LYRM7: variants seen among roughly 807,000 people sequenced by gnomAD.
The protein encoded by LYRM7 is LYR motif containing 7, also known as complex III assembly factor LYRM7.
LYRM7 carries 9 observed loss-of-function variants against 15.8 expected under a neutral mutation model. The ratio of observed to expected loss-of-function variants is 0.57; its 90% CI spans 0.34 to 0.99. The LOEUF (loss-of-function observed/expected upper bound fraction) is 0.99, where lower values mean the gene tolerates loss of function less well. Among genes scored for constraint, LYRM7 ranks in the 50% least tolerant of loss-of-function variants. The pLI, the probability that LYRM7 is intolerant of heterozygous loss-of-function variation, is 0.02. For synonymous variants in LYRM7, 39 were observed against 39.4 expected, an observed-to-expected ratio of 0.99 and a Z score of 0.04; for missense variants, 115 against 119.1, an observed-to-expected ratio of 0.97 and a Z score of 0.16.
rs191878333 is a variant in LYRM7 at position 131,185,518 on chromosome 5, G to A, written c.163-1510G>A. The stretch of plus-strand genomic sequence containing the variant: ...CCCATGCATGATTTTGTAACATCAC[G>A]CAGTGATGATTTAGAAAATGCAGGT... On this transcript the variant is annotated intron_variant, in intron 3 of 4. Transcript: ENST00000379380. Among the ~76,000 whole-genome samples the A allele has an allele frequency of 2.4e-3, 370 of 152,258 alleles. 1 individual carries two copies. The highest frequency in any genetic ancestry group is 9.0e-3 in the Admixed American group (137 of 15,288).
At position 131,171,028 on chromosome 5, in the gene LYRM7, G is replaced by C; in HGVS notation, c.8G>C (p.Arg3Pro). The change falls in exon 1 of 5, where the codon CGG (arginine) becomes CCG (proline). Residue 3 changes from arginine to proline, a missense_variant. By Grantham distance (103) the Arg-to-Pro change is moderately radical. Coordinates refer to ENST00000379380, the MANE Select transcript of LYRM7 (RefSeq NM_181705.4). ...GCCGCGGTGAGGAGAGCCATGGGAC[G>C]GGCAGTCAAGGTGACAGGGCCCGGG... MG[R>P]AVKVLQLFKT... is the part of the protein sequence containing the mutation. The C allele has an allele frequency of 1.3e-6, 2 of 1,536,532 alleles. No individual in the cohort carries two copies. The highest frequency in any genetic ancestry group is 1.7e-6 in the Non-Finnish European group (2 of 1,150,746).
chr5:131,181,669 C>T (rs947688313), intron 2 of LYRM7, among the ~76,000 whole-genome samples: 16 of 151,314 alleles, frequency 1.1e-4, no homozygotes, highest in Non-Finnish European at 2.1e-4. Context: ...ACAATAAGAC[C>T]AGTGAGATTC....
In LYRM7 at chr5:131,201,319, A is replaced by T. The variant is rs1756060495; in HGVS notation, c.*1718A>T. On this transcript the variant is annotated 3_prime_UTR_variant, in exon 5 of 5. Transcript: ENST00000379380. ...ACAGAGTGAGACTCTGTCTCAAAAA[A>T]AAAAAAGAAAAAAAAAGGAAAAAGG... 1 of 151,850 alleles carries T rather than the reference A, an allele frequency of 6.6e-6. No individual in the cohort carries two copies. The highest frequency in any genetic ancestry group is 1.9e-4 in the East Asian group (1 of 5,156). The allele number at this position is 151,850 out of a possible 1,614,324, so 9.4% of individuals were successfully genotyped here.
intron 2 of LYRM7, among the ~76,000 whole-genome samples, chr5:131,180,573 A>G (rs1258955517): frequency 7.2e-5 from 11 of 152,186 alleles, no homozygotes; most frequent in Admixed American, 7.2e-4. Context: ...TTCTAAATTC[A>G]GTATCTCCCT....
Position 131,195,619 on chromosome 5 carries a change from C to G in LYRM7, c.245-3912C>G, listed in dbSNP as rs554550084. ...TATTCTTCATTGCTTTAAGAAGTGG[C>G]CCCTAAGGTAAGGGTTAAGGAGATG... On this transcript the variant is annotated intron_variant, in intron 4 of 4. Coordinates refer to ENST00000379380, the MANE Select transcript of LYRM7 (RefSeq NM_181705.4). 2.4e-4 allele frequency among the ~76,000 whole-genome samples: 36 copies of G among 152,240 alleles called. No individual in the cohort carries two copies. The South Asian group carries it at 7.1e-3, about 30-fold the overall frequency.
chr5:131,176,202 A>G (rs1755600150), intron 1 of LYRM7, among the ~76,000 whole-genome samples: 1 of 152,232 alleles, frequency 6.6e-6, no homozygotes, highest in Non-Finnish European at 1.5e-5. Context: ...ATTAGCATAC[A>G]TGTTTTTGTG....
rs561843858 is a variant in LYRM7, at chr5:131,197,482, A to G, written c.245-2049A>G. On this transcript the variant is annotated intron_variant, in intron 4 of 4. Transcript: ENST00000379380. ...TCTTAGTCAGACCAGTTCTTTCTTA[A>G]TTAAGTGAAATATTCAGTTTGCCTT... Among the ~76,000 whole-genome samples the G allele has an allele frequency of 6.0e-5, 9 of 149,248 alleles. No homozygotes were observed. In the South Asian group the frequency reaches 1.9e-3, roughly 31 times the overall value.
At chr5:131,184,649 G>A (rs1036986212) in intron 3 of LYRM7, among the ~76,000 whole-genome samples, 1 of 120,732 alleles carries the variant, frequency 8.3e-6, no homozygotes. Context: ...GCGGGGGGGG[G>A]GTTCCAGGAT....
chr5:131,192,590 T>C lies in LYRM7; in HGVS notation c.244+5481T>C, dbSNP rs1479218590. ...ATAAAAGGAAAACATTTACTTCCTT[T>C]ATCCTTGCCGGTGAATTCAAGGTTC... On this transcript the variant is annotated intron_variant, in intron 4 of 4. Transcript: ENST00000379380. 7.9e-5 allele frequency among the ~76,000 whole-genome samples: 12 copies of C among 152,218 alleles called. 1 individual carries two copies. Among genetic ancestry groups the C allele is most frequent in the Admixed American group, 7.9e-4 (12 of 15,278 alleles).
chr5:131,173,827 G>T (rs1248069429), intron 1 of LYRM7, among the ~76,000 whole-genome samples: 2 of 152,206 alleles, frequency 1.3e-5, no homozygotes, highest in African/African-American at 4.8e-5. Context: ...AATTATTTGA[G>T]CTTTCAGAAA....
intron 4 of LYRM7, among the ~76,000 whole-genome samples, chr5:131,194,817 G>A (rs1755938236): frequency 1.3e-5 from 2 of 152,104 alleles, no homozygotes; most frequent in Admixed American, 1.3e-4. Context: ...GTTTCTGGAA[G>A]CTTAGTCTCA....
chr5:131,199,819 C>T lies in LYRM7; in HGVS notation c.*218C>T, dbSNP rs578112401. On this transcript the variant is annotated 3_prime_UTR_variant, in exon 5 of 5. Transcript: ENST00000379380. The stretch of plus-strand genomic sequence containing the variant: ...AAGGAAATTAGATAAGAAAACATTT[C>T]ATTTTCATTGAAAATCAAATTTCAT... 11 of 330,578 alleles carry T rather than the reference C, an allele frequency of 3.3e-5. No homozygotes were observed. Among genetic ancestry groups the T allele is most frequent in the Admixed American group, 2.4e-4 (5 of 20,808 alleles). The allele number at this position is 330,578 out of a possible 1,614,324, so 20.5% of individuals were successfully genotyped here.
chr5:131,186,022 G>A (rs72787004), intron 3 of LYRM7, among the ~76,000 whole-genome samples: 13,950 of 152,226 alleles, frequency 0.092, 802 homozygotes, highest in South Asian at 0.13. Context: ...CAGTGGTTCT[G>A]TAAAGGTAAA....
At chr5:131,177,478 TTGAG>T (rs1217321736) in intron 1 of LYRM7, among the ~76,000 whole-genome samples, 1 of 152,242 alleles carries the variant, frequency 6.6e-6, no homozygotes, top group African/African-American at 2.4e-5. Flanking sequence ...GCCCTTGTCT[TTGAG>T]TGATAGTTTG....
chr5:131,191,960 C>G (rs1267711978), intron 4 of LYRM7, among the ~76,000 whole-genome samples: 1 of 151,254 alleles, frequency 6.6e-6, no homozygotes, highest in Non-Finnish European at 1.5e-5. Context: ...TATCTTGGCA[C>G]TATTCACAAT....
intron 4 of LYRM7, among the ~76,000 whole-genome samples, chr5:131,191,069 C>T (rs1392067966): frequency 6.6e-6 from 1 of 151,644 alleles, no homozygotes; most frequent in Admixed American, 6.6e-5. Context: ...TTTATGTATA[C>T]TTTAATTTTC....
intron 2 of LYRM7, among the ~76,000 whole-genome samples, chr5:131,182,012 C>T (rs1755721007): frequency 6.6e-6 from 1 of 151,930 alleles, no homozygotes; most frequent in South Asian, 2.1e-4. Context: ...TATTAGAGTG[C>T]CAAAGGTTTA....
intron 2 of LYRM7, among the ~76,000 whole-genome samples, chr5:131,180,495 T>G (rs917688568): frequency 2.0e-5 from 3 of 152,198 alleles, no homozygotes; most frequent in African/African-American, 7.2e-5. Flanking sequence ...GGACCAGATA[T>G]TACCATGTTG....
At chr5:131,195,126 G>A (rs1755942798) in intron 4 of LYRM7, among the ~76,000 whole-genome samples, 2 of 151,970 alleles carry the variant, frequency 1.3e-5, no homozygotes, top group Admixed American at 1.3e-4. Context: ...AAATTAGCCA[G>A]GCATGGTGGT....
Sources: allele counts gnomAD v4.1 joint callset (sites outside exome capture counted in the v4.1 genomes callset), GRCh38; gene constraint gnomAD v4.1.1; transcripts MANE v1.5; gene names NCBI Gene and HGNC (gene_info 2026-07-23, HGNC 2026-07-21).